IMMP2L: variants seen among roughly 807,000 people sequenced by gnomAD.
IMMP2L encodes the protein mitochondrial inner membrane protease subunit 2.
Under a neutral mutation model 19.3 loss-of-function variants are expected in IMMP2L, and 18 were observed. The observed-to-expected ratio is 0.93, with a 90% CI of 0.64 to 1.38. The LOEUF is 1.38. Ranked by LOEUF, IMMP2L falls within the 40% of genes most tolerant of loss-of-function variation. The pLI is 0.00. For missense variants in IMMP2L, 233 were observed against 218.2 expected (o/e 1.07, Z -0.43); for synonymous variants, 76 against 73.0 (o/e 1.04, Z -0.21).
intron 3 of IMMP2L, among the ~76,000 whole-genome samples, chr7:111,198,565 CAA>C (rs1172752276): frequency 2.0e-5 from 3 of 152,190 alleles, no homozygotes; most frequent in Non-Finnish European, 4.4e-5. Flanking sequence ...ATGCTGCAAT[CAA>C]ACTGGAATCC....
chr7:111,235,412 G>A (rs1156441342), intron 3 of IMMP2L, among the ~76,000 whole-genome samples: 6 of 151,536 alleles, frequency 4.0e-5, no homozygotes, highest in African/African-American at 7.3e-5. Context: ...TGGAGGTCGC[G>A]GTGAGCTGAG....
At chr7:110,963,430 C>T (rs1819175869) in intron 4 of IMMP2L, 70 bp downstream of exon 4, 2 of 1,104,708 alleles carry the variant, frequency 1.8e-6, no homozygotes, top group Non-Finnish European at 2.7e-6. Flanking sequence ...AGATGTATTT[C>T]CCAAGTAATG....
chr7:110,896,270 T>A (rs1005164665), intron 4 of IMMP2L, among the ~76,000 whole-genome samples: 6 of 151,950 alleles, frequency 3.9e-5, no homozygotes, highest in African/African-American at 1.2e-4. Flanking sequence ...GTAAAGAAAA[T>A]ATATTTAAAT....
chr7:111,531,201 C>T (rs1246573514), intron 1 of IMMP2L, among the ~76,000 whole-genome samples: 1 of 151,936 alleles, frequency 6.6e-6, no homozygotes, highest in Admixed American at 6.6e-5. Context: ...GTGATCCGCC[C>T]GCCTCGGCCT....
Position 111,501,421 on chromosome 7 carries a change from T to G in IMMP2L, c.136-14080A>C, listed in dbSNP as rs1426874416. Among the ~76,000 whole-genome samples, 3 of 152,146 alleles carry G rather than the reference T, an allele frequency of 2.0e-5. No individual in the cohort carries two copies. The East Asian group carries it at 5.8e-4, about 29-fold the overall frequency. On this transcript the variant is annotated intron_variant, in intron 2 of 5. Coordinates refer to ENST00000405709, the MANE Select transcript of IMMP2L (RefSeq NM_032549.4). Reference sequence around the variant, plus strand: ...TCTGCAGGATATTATCCAGGAGAACTTCCCCAGTCTAGCAAGGCAGGCCAA... The same window carrying G: ...TCTGCAGGATATTATCCAGGAGAACGTCCCCAGTCTAGCAAGGCAGGCCAA...
chr7:110,862,097 A>C (rs1240573546), intron 5 of IMMP2L, among the ~76,000 whole-genome samples: 2 of 152,092 alleles, frequency 1.3e-5, no homozygotes, highest in African/African-American at 4.8e-5. Flanking sequence ...AACTGTGTGC[A>C]TGTATGGATA....
chr7:111,522,284 A>G (rs1846411231), intron 1 of IMMP2L, among the ~76,000 whole-genome samples: 1 of 152,098 alleles, frequency 6.6e-6, no homozygotes, highest in Non-Finnish European at 1.5e-5. Flanking sequence ...CTTCAAAAGC[A>G]CAGTCAATCA....
At chr7:111,041,259 G>T (rs185901616) in intron 3 of IMMP2L, among the ~76,000 whole-genome samples, 4 of 152,118 alleles carry the variant, frequency 2.6e-5, no homozygotes, top group African/African-American at 7.2e-5. Context: ...CTGAGGTGTG[G>T]TCTAAAGAAT....
At chr7:111,242,327 A>T (rs543604498) in intron 3 of IMMP2L, among the ~76,000 whole-genome samples, 1 of 152,206 alleles carries the variant, frequency 6.6e-6, no homozygotes, top group East Asian at 1.9e-4. Flanking sequence ...AACGTTATTT[A>T]TGACAAAGCA....
At chr7:111,489,406 C>T (rs1162056220) in intron 2 of IMMP2L, among the ~76,000 whole-genome samples, 2 of 152,080 alleles carry the variant, frequency 1.3e-5, no homozygotes, top group Non-Finnish European at 2.9e-5. Context: ...TCCAATAATG[C>T]TACCATGGGA....
intron 3 of IMMP2L, among the ~76,000 whole-genome samples, chr7:111,272,546 A>C (rs1162715598): frequency 3.3e-5 from 5 of 152,172 alleles, no homozygotes; most frequent in African/African-American, 4.8e-5. Flanking sequence ...TTTTAATCTC[A>C]AGGCCTGTAC....
intron 4 of IMMP2L, among the ~76,000 whole-genome samples, chr7:110,943,979 T>C (rs1816987092): frequency 6.6e-6 from 1 of 151,806 alleles, no homozygotes; most frequent in African/African-American, 2.4e-5. Context: ...AGATAAGGAG[T>C]TGGGATTGGT....
intron 3 of IMMP2L, among the ~76,000 whole-genome samples, chr7:111,385,158 G>A (rs1486661805): frequency 6.6e-6 from 1 of 152,112 alleles, no homozygotes; most frequent in Non-Finnish European, 1.5e-5. Context: ...AAGGCAAGGT[G>A]GAGGTGGGGG....
chr7:111,211,727 T>C (rs1562931016), intron 3 of IMMP2L, among the ~76,000 whole-genome samples: 1 of 152,198 alleles, frequency 6.6e-6, no homozygotes, highest in Non-Finnish European at 1.5e-5. Flanking sequence ...ACGGAAATCC[T>C]GGCCGGGAGC....
intron 3 of IMMP2L, among the ~76,000 whole-genome samples, chr7:111,391,421 T>G (rs1463265860): frequency 6.6e-6 from 1 of 152,190 alleles, no homozygotes; most frequent in African/African-American, 2.4e-5. Context: ...AATTATATTA[T>G]TCACAATCTG....
intron 5 of IMMP2L, among the ~76,000 whole-genome samples, chr7:110,839,461 A>T (rs1804834135): frequency 6.6e-6 from 1 of 152,088 alleles, no homozygotes; most frequent in Non-Finnish European, 1.5e-5. Flanking sequence ...ATGACAAAAG[A>T]GGTCCTTACA....
intron 3 of IMMP2L, among the ~76,000 whole-genome samples, chr7:111,468,374 A>G (rs1420131331): frequency 6.6e-6 from 1 of 152,200 alleles, no homozygotes; most frequent in Non-Finnish European, 1.5e-5. Flanking sequence ...GGTATCACAT[A>G]AATACATTGT....
At chr7:111,337,591 A>G (rs113318967) in intron 3 of IMMP2L, among the ~76,000 whole-genome samples, 4 of 152,180 alleles carry the variant, frequency 2.6e-5, no homozygotes, top group African/African-American at 9.6e-5. Flanking sequence ...AAGATGAGCC[A>G]AGTCTGACCT....
intron 1 of IMMP2L, among the ~76,000 whole-genome samples, chr7:111,535,970 G>A (rs978924488): frequency 6.6e-6 from 1 of 152,106 alleles, no homozygotes; most frequent in Non-Finnish European, 1.5e-5. Context: ...GAAGGTTTAA[G>A]ATGAGCCTGA....
Sources: allele counts gnomAD v4.1 joint callset (sites outside exome capture counted in the v4.1 genomes callset), GRCh38; gene constraint gnomAD v4.1.1; transcripts MANE v1.5; gene names NCBI Gene and HGNC (gene_info 2026-07-23, HGNC 2026-07-21).